The following DCC variants were observed in gnomAD, a reference collection of about 807,000 sequenced individuals.
The protein encoded by DCC is netrin receptor DCC.
A neutral mutation model predicts 172.5 loss-of-function variants in DCC; 58 were observed. The ratio of observed to expected loss-of-function variants is 0.34; its 90% CI spans 0.27 to 0.42. DCC has a LOEUF of 0.42. Ranked by LOEUF, DCC falls within the 10% of genes least tolerant of loss-of-function variation. DCC has a pLI of 1.00. For synonymous variants in DCC, 709 were observed against 644.5 expected (o/e 1.10, Z -1.52); for missense variants, 1,740 against 1,791.0 (o/e 0.97, Z 0.51).
intron 1 of DCC, among the ~76,000 whole-genome samples, chr18:52,512,156 G>A (rs2031465076): frequency 6.6e-6 from 1 of 152,076 alleles, no homozygotes; most frequent in Admixed American, 6.5e-5. Flanking sequence ...AATAGATTAG[G>A]GGCTTAGGAC....
intron 12 of DCC, among the ~76,000 whole-genome samples, chr18:53,278,816 C>G (rs1468571549): frequency 6.6e-6 from 1 of 152,046 alleles, no homozygotes; most frequent in South Asian, 2.1e-4. Flanking sequence ...GTTGTTACTC[C>G]CATTGTGTGG....
intron 1 of DCC, among the ~76,000 whole-genome samples, chr18:52,555,053 T>C (rs534237266): frequency 1.3e-5 from 2 of 152,162 alleles, no homozygotes; most frequent in Admixed American, 1.3e-4. Context: ...TAATAAAGAC[T>C]TGCTGGTCTC....
intron 7 of DCC, among the ~76,000 whole-genome samples, chr18:53,122,878 C>A (rs954373379): frequency 6.6e-6 from 1 of 152,022 alleles, no homozygotes; most frequent in African/African-American, 2.4e-5. Context: ...TCACTCTAAC[C>A]ATTTTATCTC....
intron 28 of DCC, among the ~76,000 whole-genome samples, chr18:53,529,016 TCTCTCTCTCTCTCTCTCTCTCTCA>T (rs1296884205): frequency 2.8e-5 from 3 of 107,970 alleles, no homozygotes; most frequent in Non-Finnish European, 5.9e-5. Context: ...TCTCTCTCTC[TCTCTCTCTCTCTCTCTCTCTCTCA>T]CACACACACA....
intron 1 of DCC, among the ~76,000 whole-genome samples, chr18:52,376,948 G>T (rs1858831810): frequency 6.6e-6 from 1 of 152,180 alleles, no homozygotes; most frequent in East Asian, 1.9e-4. Context: ...GTGCTCAGGT[G>T]GTCAGGTCAG....
At chr18:52,380,629 C>T (rs555497999) in intron 1 of DCC, among the ~76,000 whole-genome samples, 76 of 152,068 alleles carry the variant, frequency 5.0e-4, no homozygotes, top group Admixed American at 9.2e-4. Context: ...CTCTGAATAT[C>T]TTAGGTGATT....
chr18:53,289,623 C>T (rs2056977526), intron 12 of DCC, among the ~76,000 whole-genome samples: 1 of 151,930 alleles, frequency 6.6e-6, no homozygotes, highest in Non-Finnish European at 1.5e-5. Flanking sequence ...AATAAAGTGA[C>T]TAATGTAAAT....
At chr18:52,647,574 T>C (rs2035042383) in intron 1 of DCC, among the ~76,000 whole-genome samples, 1 of 152,180 alleles carries the variant, frequency 6.6e-6, no homozygotes, top group Non-Finnish European at 1.5e-5. Flanking sequence ...CATTCCATCA[T>C]CAACACTTGC....
rs151094667 is a variant in DCC at position 52,540,526 on chromosome 18, A to C, written c.91+199648A>C. Among the ~76,000 whole-genome samples, 516 of 148,286 alleles carry C rather than the reference A, an allele frequency of 3.5e-3. 10 individuals are homozygous for C. Among genetic ancestry groups the C allele is most frequent in the African/African-American group, 0.012 (484 of 39,932 alleles). On this transcript the variant is annotated intron_variant, in intron 1 of 28. Transcript: ENST00000442544. Reference sequence around the variant, plus strand: ...AATTTTAGTGGCATCAAAGCATTTGATATTCAGTATAGTTACTGTTATTTC... The same window carrying C: ...AATTTTAGTGGCATCAAAGCATTTGCTATTCAGTATAGTTACTGTTATTTC...
At chr18:52,758,725 G>A (rs2145144739) in intron 2 of DCC, 1 of 151,502 alleles carries the variant, frequency 6.6e-6, no homozygotes, top group Non-Finnish European at 1.5e-5. Context: ...ATTGCCTCAG[G>A]TCACTCAAAT....
At chr18:53,495,485 C>T (rs184947963) in intron 26 of DCC, among the ~76,000 whole-genome samples, 45 of 152,114 alleles carry the variant, frequency 3.0e-4, no homozygotes, top group African/African-American at 8.4e-4. Context: ...CCGAGAGATC[C>T]GCTGATAGTC....
At chr18:52,789,460 A>C (rs928238634) in intron 2 of DCC, among the ~76,000 whole-genome samples, 4 of 152,054 alleles carry the variant, frequency 2.6e-5, no homozygotes, top group Non-Finnish European at 5.9e-5. Flanking sequence ...AAGGCCTTTT[A>C]AAAAAAATCT....
At chr18:53,515,179 AC>A (rs2046318217) in intron 27 of DCC, among the ~76,000 whole-genome samples, 6 of 152,064 alleles carry the variant, frequency 3.9e-5, no homozygotes, top group Admixed American at 3.9e-4. Flanking sequence ...CAGCATATAA[AC>A]AGAGCCAATG....
chr18:52,954,166 T>G (rs759517055), intron 5 of DCC, among the ~76,000 whole-genome samples: 3 of 152,124 alleles, frequency 2.0e-5, no homozygotes, highest in Non-Finnish European at 4.4e-5. Flanking sequence ...CTCTTCATAA[T>G]CCAACCTTAG....
At chr18:52,529,476 G>A (rs908939925) in intron 1 of DCC, among the ~76,000 whole-genome samples, 3 of 152,152 alleles carry the variant, frequency 2.0e-5, no homozygotes, top group Admixed American at 6.5e-5. Context: ...ATTTTTAGTA[G>A]AGACAGGGTT....
chr18:53,213,093 G>A (rs1213395465), intron 11 of DCC, among the ~76,000 whole-genome samples: 1 of 152,168 alleles, frequency 6.6e-6, no homozygotes, highest in African/African-American at 2.4e-5. Context: ...GAAATAAGGA[G>A]TTAAATGCCA....
chr18:53,472,289 G>A (rs773845792), intron 25 of DCC, among the ~76,000 whole-genome samples: 2 of 152,258 alleles, frequency 1.3e-5, no homozygotes, highest in Non-Finnish European at 2.9e-5. Context: ...CAGCTAGTAC[G>A]TGCTATAGCC....
At chr18:53,512,684 T>C (rs957773259) in intron 27 of DCC, among the ~76,000 whole-genome samples, 5 of 151,870 alleles carry the variant, frequency 3.3e-5, no homozygotes, top group African/African-American at 1.2e-4. Context: ...CAGGAGCCGA[T>C]GCAATCAACT....
At chr18:52,660,020 T>G (rs897061436) in intron 1 of DCC, among the ~76,000 whole-genome samples, 8 of 152,224 alleles carry the variant, frequency 5.3e-5, no homozygotes, top group South Asian at 2.1e-4. Context: ...TTGAAAATGA[T>G]GCAGAATTTT....
Sources: gnomAD v4.1 joint callset for allele counts (sites outside exome capture counted in the v4.1 genomes callset) on GRCh38, gnomAD v4.1.1 for gene constraint, MANE v1.5 for transcripts, NCBI Gene and HGNC (gene_info 2026-07-23, HGNC 2026-07-21) for gene names.